ASH2L: variants seen among roughly 807,000 people sequenced by gnomAD.
ASH2L encodes the protein set1/Ash2 histone methyltransferase complex subunit ASH2.
Under a neutral mutation model 81.1 loss-of-function variants are expected in ASH2L, and 30 were observed. The observed-to-expected ratio is 0.37, with a 90% confidence interval of 0.28 to 0.50. The LOEUF (loss-of-function observed/expected upper bound fraction) is 0.50. Ranked by LOEUF, ASH2L falls within the 20% of genes least tolerant of loss-of-function variation. The probability of loss-of-function intolerance (pLI) is 0.95; values close to 1 mark genes in which losing one functional copy is unlikely to be tolerated. For missense variants in ASH2L, 559 were observed against 792.1 expected (o/e 0.71, Z 3.53); for synonymous variants, 273 against 279.9 (o/e 0.98, Z 0.24).
chr8:38,107,923 CAT>C (rs1270834653), intron 3 of ASH2L, among the ~76,000 whole-genome samples: 2 of 128,822 alleles, frequency 1.6e-5, no homozygotes. Context: ...TATATATATA[CAT>C]ATATATATGT....
chr8:38,128,337 G>A lies in ASH2L; in HGVS notation c.1212G>A (p.Glu404=), dbSNP rs147752941. ...ISDDRLTVVG[E]KGYSMVRASH... Reference sequence around the variant, plus strand: ...ATGACCGGCTGACTGTGGTTGGAGAGAAGGGCTACTCTATGGTGAGGGCCT... The same window carrying A: ...ATGACCGGCTGACTGTGGTTGGAGAAAAGGGCTACTCTATGGTGAGGGCCT... The change falls in exon 11 of 16, where the codon GAG becomes GAA. Residue 404 remains glutamate (E), a synonymous_variant. Transcript: ENST00000343823. The A allele has an allele frequency of 6.4e-5, 103 of 1,614,172 alleles. No homozygotes were observed. In the African/African-American group the frequency reaches 1.3e-3, roughly 20 times the overall value.
In ASH2L at chr8:38,136,403, A is replaced by G. The variant is rs74531077; in HGVS notation, c.1719+637A>G. On this transcript the variant is annotated intron_variant, in intron 14 of 15. Coordinates refer to ENST00000343823, the MANE Select transcript of ASH2L (RefSeq NM_004674.5). The stretch of plus-strand genomic sequence containing the variant: ...TTTTTTTTTTTTAAATATGATCCAA[A>G]CATGAAGAAGGGTACTATCATTAGG... Among the ~76,000 whole-genome samples the G allele has an allele frequency of 3.1e-3, 464 of 151,116 alleles. 27 individuals are homozygous for G. The East Asian group carries it at 0.076, about 25-fold the overall frequency.
intron 8 of ASH2L, among the ~76,000 whole-genome samples, chr8:38,118,534 A>G (rs548356109): frequency 3.9e-5 from 6 of 152,378 alleles, no homozygotes; most frequent in Admixed American, 6.5e-5. Context: ...TCCACAAGCC[A>G]GGTTAATCTA....
In ASH2L at chr8:38,114,233, A is replaced by T; in HGVS notation, c.627A>T (p.Thr209=). Residue 209 remains threonine, a synonymous_variant, in exon 6 of 16, where the codon ACA becomes ACT. Coordinates refer to ENST00000343823, the MANE Select transcript of ASH2L (RefSeq NM_004674.5). The part of the protein sequence containing the change: ...PFIDKYWECM[T]TRQRPGKMTW... Reference sequence around the variant, plus strand: ...TTGATAAATACTGGGAGTGCATGACAACCAGACAGAGACCTGGGAAAATGA... The same window carrying T: ...TTGATAAATACTGGGAGTGCATGACTACCAGACAGAGACCTGGGAAAATGA... The T allele has an allele frequency of 6.2e-7, 1 of 1,607,852 alleles. No individual in the cohort carries two copies. Among genetic ancestry groups the T allele is most frequent in the Middle Eastern group, 1.7e-4 (1 of 6,048 alleles).
In ASH2L at chr8:38,128,328, G is replaced by A; in HGVS notation, c.1203G>A (p.Val401=). ...AGATCTCAGATGACCGGCTGACTGTGGTTGGAGAGAAGGGCTACTCTATGG... is the reference window on the plus strand; with the variant it reads ...AGATCTCAGATGACCGGCTGACTGTAGTTGGAGAGAAGGGCTACTCTATGG... ...QLKISDDRLT[V]VGEKGYSMVR... is the part of the protein sequence containing the mutation. The change falls in exon 11 of 16, where the codon GTG becomes GTA. Residue 401 remains valine (V), a synonymous_variant. Coordinates refer to ENST00000343823, the MANE Select transcript of ASH2L (RefSeq NM_004674.5). 6.2e-7 allele frequency: 1 copy of A among 1,614,188 alleles called. No homozygotes were observed. Among genetic ancestry groups the A allele is most frequent in the Non-Finnish European group, 8.5e-7 (1 of 1,180,030 alleles).
At chr8:38,120,273 C>G (rs901678062) in intron 9 of ASH2L, among the ~76,000 whole-genome samples, 5 of 152,158 alleles carry the variant, frequency 3.3e-5, no homozygotes, top group African/African-American at 9.7e-5. Flanking sequence ...GTTAAGGCGA[C>G]TTGAGAAAGG....
At chr8:38,109,229 T>C (rs1810581761) in intron 3 of ASH2L, among the ~76,000 whole-genome samples, 1 of 152,234 alleles carries the variant, frequency 6.6e-6, no homozygotes, top group African/African-American at 2.4e-5. Flanking sequence ...TACCTATCTT[T>C]AGTATGAGGT....
At chr8:38,114,382 T>A in intron 6 of ASH2L, 95 bp downstream of exon 6, 1 of 785,004 alleles carries the variant, frequency 1.3e-6, no homozygotes, top group Non-Finnish European at 2.0e-6. Context: ...ATGATAAAAT[T>A]AGAACAACTT....
intron 8 of ASH2L, 121 bp from the exon 9 acceptor site, chr8:38,119,149 A>G: frequency 1.2e-6 from 1 of 854,020 alleles, no homozygotes; most frequent in Non-Finnish European, 1.8e-6. Flanking sequence ...TGCCTTTGGA[A>G]GGAAATCCTC....
intron 10 of ASH2L, among the ~76,000 whole-genome samples, chr8:38,127,621 C>A (rs910047494): frequency 6.6e-6 from 1 of 150,862 alleles, no homozygotes; most frequent in African/African-American, 2.4e-5. Flanking sequence ...TGGTGGGCGC[C>A]TGTAATCCCA....
At chr8:38,106,102 C>A (rs1243893519) in intron 1 of ASH2L, 4 of 1,525,636 alleles carry the variant, frequency 2.6e-6, no homozygotes, top group Non-Finnish European at 3.5e-6. Flanking sequence ...GGAGAGCTGC[C>A]TCTCTTTGAA....
Position 38,119,343 on chromosome 8 carries a change from G to A in ASH2L, c.927G>A (p.Gly309=). 1 of 1,546,164 alleles carries A rather than the reference G, an allele frequency of 6.5e-7. No homozygotes were observed. The highest frequency in any genetic ancestry group is 1.2e-5 in the South Asian group (1 of 83,498). Residue 309 remains glycine (G), a synonymous_variant, in exon 9 of 16, where the codon GGG becomes GGA. Coordinates refer to ENST00000343823, the MANE Select transcript of ASH2L (RefSeq NM_004674.5). The stretch of plus-strand genomic sequence containing the variant: ...AACAGCAGGATGGAGGGACCACAGG[G>A]ACCACCAAGAAGGCCCGGAGGTGGG... ...KRKQQDGGTT[G]TTKKARSDPL...
At chr8:38,135,633 A>T in intron 13 of ASH2L, 35 bp from the exon 14 acceptor site, 1 of 1,469,620 alleles carries the variant, frequency 6.8e-7, no homozygotes, top group Non-Finnish European at 9.4e-7. Context: ...GTTCTTTTTT[A>T]CAGTTCTGAA....
chr8:38,119,537 G>A (rs553304577), intron 9 of ASH2L, among the ~76,000 whole-genome samples, 174 bp downstream of exon 9: 69 of 152,286 alleles, frequency 4.5e-4, no homozygotes, highest in African/African-American at 1.6e-3. Context: ...CAGGCGCAGT[G>A]GCTCATGCGT....
At chr8:38,124,421 G>A (rs1801748394) in intron 10 of ASH2L, 1 of 152,318 alleles carries the variant, frequency 6.6e-6, no homozygotes, top group African/African-American at 2.4e-5. Flanking sequence ...GTGTTGCCCA[G>A]GATGGTCTTG....
chr8:38,117,071 C>T (rs142147092), intron 8 of ASH2L, among the ~76,000 whole-genome samples: 65 of 152,314 alleles, frequency 4.3e-4, no homozygotes, highest in African/African-American at 1.4e-3. Context: ...TCAGCTGTTA[C>T]TTTTAACAGA....
At chr8:38,125,990 G>C (rs1801829227) in intron 10 of ASH2L, among the ~76,000 whole-genome samples, 1 of 151,988 alleles carries the variant, frequency 6.6e-6, no homozygotes, top group South Asian at 2.1e-4. Flanking sequence ...GATAACCGGA[G>C]GTCAGGAGTT....
intron 3 of ASH2L, 63 bp downstream of exon 3, chr8:38,107,229 A>G: frequency 6.3e-7 from 1 of 1,596,780 alleles, no homozygotes; most frequent in Non-Finnish European, 8.6e-7. Flanking sequence ...CATGCTCAAC[A>G]GTTACTTTGT....
chr8:38,121,561 A>G (rs576469240), intron 10 of ASH2L, among the ~76,000 whole-genome samples: 46 of 152,018 alleles, frequency 3.0e-4, no homozygotes, highest in African/African-American at 1.1e-3. Flanking sequence ...AGACCTTTCA[A>G]TTTTACCAGT....
Sources: gnomAD v4.1 joint callset for allele counts (sites outside exome capture counted in the v4.1 genomes callset) on GRCh38, gnomAD v4.1.1 for gene constraint, MANE v1.5 for transcripts, NCBI Gene and HGNC (gene_info 2026-07-23, HGNC 2026-07-21) for gene names.